The following HS6ST3 variants were observed in gnomAD, a reference collection of about 807,000 sequenced individuals.
HS6ST3 encodes heparan-sulfate 6-O-sulfotransferase 3.
A neutral mutation model predicts 36.7 loss-of-function variants in HS6ST3; 12 were observed. The ratio of observed to expected loss-of-function variants is 0.33; its 90% CI spans 0.21 to 0.53. The LOEUF is 0.53. HS6ST3 is among the 20% of genes least tolerant of loss of function. The pLI, the probability that HS6ST3 is intolerant of heterozygous loss-of-function variation, is 0.95. For synonymous variants in HS6ST3, 240 were observed against 257.5 expected (o/e 0.93, Z 0.65); for missense variants, 584 against 640.9 (o/e 0.91, Z 0.96).
At chr13:96,477,437 T>C (rs545841372) in intron 1 of HS6ST3, among the ~76,000 whole-genome samples, 2 of 152,300 alleles carry the variant, frequency 1.3e-5, no homozygotes, top group African/African-American at 4.8e-5. Flanking sequence ...AAGAAGTAAA[T>C]GTGTTTATGT....
At chr13:96,294,761 C>G (rs983717957) in intron 1 of HS6ST3, among the ~76,000 whole-genome samples, 2 of 151,974 alleles carry the variant, frequency 1.3e-5, no homozygotes, top group African/African-American at 4.8e-5. Flanking sequence ...GGTAACTTAA[C>G]TATTTAGATT....
At chr13:96,622,374 C>A (rs569040202) in intron 1 of HS6ST3, among the ~76,000 whole-genome samples, 14 of 152,230 alleles carry the variant, frequency 9.2e-5, no homozygotes, top group Admixed American at 7.2e-4. Flanking sequence ...TGTCAGCTGG[C>A]TTTATTTGCA....
intron 1 of HS6ST3, among the ~76,000 whole-genome samples, chr13:96,827,265 T>C (rs1878668978): frequency 6.6e-6 from 1 of 152,136 alleles, no homozygotes; most frequent in Non-Finnish European, 1.5e-5. Context: ...AATTAAAAAA[T>C]GAATGAACAG....
At chr13:96,313,575 C>T (rs2054952511) in intron 1 of HS6ST3, among the ~76,000 whole-genome samples, 1 of 152,096 alleles carries the variant, frequency 6.6e-6, no homozygotes, top group Non-Finnish European at 1.5e-5. Flanking sequence ...TGGTGTCTTC[C>T]CTCTTCTTGC....
chr13:96,194,100 C>T (rs761854030), intron 1 of HS6ST3, among the ~76,000 whole-genome samples: 7 of 152,094 alleles, frequency 4.6e-5, no homozygotes, highest in Non-Finnish European at 8.8e-5. Flanking sequence ...AGACATTTTC[C>T]CCTGCCCATT....
chr13:96,098,079 T>C (rs77114138), intron 1 of HS6ST3, among the ~76,000 whole-genome samples: 3 of 152,318 alleles, frequency 2.0e-5, no homozygotes, highest in Admixed American at 6.5e-5. Flanking sequence ...ATTGGACTTA[T>C]TGGACTTATT....
chr13:96,120,599 A>G (rs2053920642), intron 1 of HS6ST3, among the ~76,000 whole-genome samples: 1 of 152,038 alleles, frequency 6.6e-6, no homozygotes, highest in South Asian at 2.1e-4. Flanking sequence ...CCTTTATTAT[A>G]TTTTCCTGAA....
chr13:96,467,942 G>A lies in HS6ST3; in HGVS notation c.708-364548G>A, dbSNP rs563003927. 2.0e-5 allele frequency among the ~76,000 whole-genome samples: 3 copies of A among 152,290 alleles called. No homozygotes were observed. In the East Asian group the frequency reaches 5.8e-4, roughly 29 times the overall value. Reference sequence around the variant, plus strand: ...GAGTACAGGATTGGTGCAAGAGCTAGGTATGGACTGGGAACAGCATTAGTC... The same window carrying A: ...GAGTACAGGATTGGTGCAAGAGCTAAGTATGGACTGGGAACAGCATTAGTC... On this transcript the variant is annotated intron_variant, in intron 1 of 1. Coordinates refer to ENST00000376705, the MANE Select transcript of HS6ST3 (RefSeq NM_153456.4).
intron 1 of HS6ST3, among the ~76,000 whole-genome samples, chr13:96,368,133 G>T (rs1409874648): frequency 6.6e-6 from 1 of 152,120 alleles, no homozygotes; most frequent in East Asian, 1.9e-4. Flanking sequence ...GCTTTTCTCA[G>T]ACCCTGTGAG....
At chr13:96,731,408 G>A (rs553614047) in intron 1 of HS6ST3, among the ~76,000 whole-genome samples, 18 of 151,994 alleles carry the variant, frequency 1.2e-4, no homozygotes, top group African/African-American at 2.9e-4. Flanking sequence ...CCATGTTGTC[G>A]CAAATGACGG....
rs1010127344 is a variant in HS6ST3, at chr13:96,327,394, A to T, written c.707+235825A>T. ...AAGGGATCCAGTTTCAGCTTTCTACATATGGCTAGCCAGTTTTCCAAGCAC... is the reference window on the plus strand; with the variant it reads ...AAGGGATCCAGTTTCAGCTTTCTACTTATGGCTAGCCAGTTTTCCAAGCAC... On this transcript the variant is annotated intron_variant, in intron 1 of 1. Coordinates refer to ENST00000376705, the MANE Select transcript of HS6ST3 (RefSeq NM_153456.4). Among the ~76,000 whole-genome samples, 7 of 152,262 alleles carry T rather than the reference A, an allele frequency of 4.6e-5. No individual in the cohort carries two copies. The East Asian group carries it at 1.2e-3, about 25-fold the overall frequency.
intron 1 of HS6ST3, among the ~76,000 whole-genome samples, chr13:96,512,089 G>T (rs1026876679): frequency 3.3e-5 from 5 of 152,152 alleles, no homozygotes; most frequent in African/African-American, 9.7e-5. Flanking sequence ...TATAGAGAGA[G>T]ATTATTTCTT....
intron 1 of HS6ST3, among the ~76,000 whole-genome samples, chr13:96,658,230 C>T (rs1299174359): frequency 7.3e-6 from 1 of 136,534 alleles, no homozygotes; most frequent in Non-Finnish European, 1.6e-5. Flanking sequence ...TTATATGCCA[C>T]AATTTATCTT....
At chr13:96,822,411 C>A (rs1481570290) in intron 1 of HS6ST3, among the ~76,000 whole-genome samples, 1 of 152,198 alleles carries the variant, frequency 6.6e-6, no homozygotes, top group East Asian at 1.9e-4. Flanking sequence ...CTGTACTCAG[C>A]AAGATAGCAA....
chr13:96,749,615 G>A (rs1876650258), intron 1 of HS6ST3, among the ~76,000 whole-genome samples: 1 of 151,862 alleles, frequency 6.6e-6, no homozygotes, highest in Non-Finnish European at 1.5e-5. Context: ...ATTTAAGTCA[G>A]ATAAATACAT....
At chr13:96,465,810 A>G (rs16953424) in intron 1 of HS6ST3, among the ~76,000 whole-genome samples, 3,405 of 152,314 alleles carry the variant, frequency 0.022, 133 homozygotes, top group African/African-American at 0.079. Flanking sequence ...TTTAAAAATG[A>G]AGCAATAAAC....
intron 1 of HS6ST3, among the ~76,000 whole-genome samples, chr13:96,513,078 A>T (rs930513439): frequency 8.5e-5 from 13 of 152,082 alleles, no homozygotes; most frequent in African/African-American, 3.1e-4. Flanking sequence ...TTGAAATTCT[A>T]TGGACTTCTG....
chr13:96,189,446 G>T (rs1230995692), intron 1 of HS6ST3, among the ~76,000 whole-genome samples: 1 of 151,948 alleles, frequency 6.6e-6, no homozygotes, highest in East Asian at 1.9e-4. Flanking sequence ...TCTTGGCTGG[G>T]ACTTCCCTCT....
chr13:96,312,307 T>A (rs2054945402), intron 1 of HS6ST3, among the ~76,000 whole-genome samples: 1 of 152,222 alleles, frequency 6.6e-6, no homozygotes, highest in Non-Finnish European at 1.5e-5. Context: ...GTTATTTATA[T>A]ATTAGAAAAA....
Sources: gnomAD v4.1 joint callset for allele counts (sites outside exome capture counted in the v4.1 genomes callset) on GRCh38, gnomAD v4.1.1 for gene constraint, MANE v1.5 for transcripts, NCBI Gene and HGNC (gene_info 2026-07-23, HGNC 2026-07-21) for gene names.